CNTNAP2: variants seen among roughly 807,000 people sequenced by gnomAD.
CNTNAP2 encodes the protein contactin associated protein 2.
A neutral mutation model predicts 155.2 loss-of-function variants in CNTNAP2; 98 were observed. That is an observed-to-expected ratio of 0.63 (90% CI 0.54 to 0.75). The LOEUF is 0.75. CNTNAP2 is among the 30% of genes least tolerant of loss of function. CNTNAP2 has a pLI of 0.00. For synonymous variants in CNTNAP2, 651 were observed against 631.2 expected (o/e 1.03, Z -0.47); for missense variants, 1,727 against 1,688.1 (o/e 1.02, Z -0.40).
At chr7:147,684,728 A>G (rs1021323455) in intron 13 of CNTNAP2, among the ~76,000 whole-genome samples, 5 of 152,006 alleles carry the variant, frequency 3.3e-5, no homozygotes, top group Admixed American at 6.6e-5. Flanking sequence ...AATATTCTAT[A>G]TAATCTAGCA....
chr7:147,610,666 G>A (rs890207131), intron 12 of CNTNAP2, among the ~76,000 whole-genome samples: 1 of 152,146 alleles, frequency 6.6e-6, no homozygotes, highest in Non-Finnish European at 1.5e-5. Flanking sequence ...GGGAGTTTTA[G>A]GGGAAGCATC....
At chr7:147,447,029 A>G (rs1319670921) in intron 10 of CNTNAP2, among the ~76,000 whole-genome samples, 1 of 152,198 alleles carries the variant, frequency 6.6e-6, no homozygotes, top group African/African-American at 2.4e-5. Flanking sequence ...TGCCAAGAAA[A>G]GGCATTAAAG....
chr7:147,475,817 C>A (rs187030751), intron 10 of CNTNAP2, among the ~76,000 whole-genome samples: 342 of 152,260 alleles, frequency 2.2e-3, no homozygotes, highest in African/African-American at 7.9e-3. Context: ...AGAAGGAGGT[C>A]TCACTCTTTT....
intron 8 of CNTNAP2, among the ~76,000 whole-genome samples, chr7:147,212,145 G>A (rs1803162512): frequency 6.6e-6 from 1 of 152,084 alleles, no homozygotes; most frequent in African/African-American, 2.4e-5. Flanking sequence ...ACATGCTGTT[G>A]GTAGGAATAT....
At chr7:148,397,205 C>A (rs1267678844) in intron 22 of CNTNAP2, among the ~76,000 whole-genome samples, 1 of 152,188 alleles carries the variant, frequency 6.6e-6, no homozygotes, top group African/African-American at 2.4e-5. Context: ...ACTGGGTGGC[C>A]ACAGAAGTGC....
At chr7:147,294,192 G>T (rs1374208381) in intron 8 of CNTNAP2, among the ~76,000 whole-genome samples, 1 of 152,050 alleles carries the variant, frequency 6.6e-6, no homozygotes, top group Admixed American at 6.6e-5. Context: ...ATTTTCCCTG[G>T]ATTATTTTAT....
intron 17 of CNTNAP2, among the ~76,000 whole-genome samples, chr7:148,164,302 A>G (rs1197989750): frequency 6.6e-6 from 1 of 152,176 alleles, no homozygotes; most frequent in Non-Finnish European, 1.5e-5. Flanking sequence ...ATGGTAGCAT[A>G]TAGAACAGGA....
intron 1 of CNTNAP2, among the ~76,000 whole-genome samples, chr7:146,407,088 A>G (rs1270975194): frequency 6.6e-6 from 1 of 152,226 alleles, no homozygotes; most frequent in Admixed American, 6.5e-5. Flanking sequence ...GACATCAGTA[A>G]TGTGAAGAAG....
intron 3 of CNTNAP2, among the ~76,000 whole-genome samples, chr7:146,984,782 C>T (rs1290484415): frequency 1.3e-5 from 2 of 152,330 alleles, no homozygotes; most frequent in East Asian, 3.9e-4. Flanking sequence ...CCTTCTGGCT[C>T]TCCCATTGTC....
chr7:147,098,775 G>T (rs866195095), intron 4 of CNTNAP2, among the ~76,000 whole-genome samples: 4 of 152,094 alleles, frequency 2.6e-5, no homozygotes, highest in South Asian at 2.1e-4. Flanking sequence ...ACCGTGAAAA[G>T]ATACTAATAT....
At chr7:147,273,186 T>C (rs971059522) in intron 8 of CNTNAP2, among the ~76,000 whole-genome samples, 4 of 152,138 alleles carry the variant, frequency 2.6e-5, no homozygotes, top group African/African-American at 9.7e-5. Flanking sequence ...TGAATTCACC[T>C]TATCACCACT....
At chr7:147,088,481 TA>T (rs1800327641) in intron 4 of CNTNAP2, among the ~76,000 whole-genome samples, 1 of 152,190 alleles carries the variant, frequency 6.6e-6, no homozygotes, top group Non-Finnish European at 1.5e-5. Flanking sequence ...AGCCAGTTTC[TA>T]AATCTTAAAA....
intron 11 of CNTNAP2, among the ~76,000 whole-genome samples, chr7:147,498,552 G>T (rs1310306311): frequency 3.3e-5 from 5 of 152,160 alleles, no homozygotes; most frequent in Non-Finnish European, 5.9e-5. Context: ...ATGATGCATA[G>T]GGCAAAAATA....
chr7:148,311,463 A>C (rs1426396667), intron 21 of CNTNAP2, among the ~76,000 whole-genome samples: 1 of 152,070 alleles, frequency 6.6e-6, no homozygotes, highest in Non-Finnish European at 1.5e-5. Context: ...ATGAGAATAA[A>C]AGTGAGTATA....
chr7:146,352,987 C>A (rs1357919026), intron 1 of CNTNAP2, among the ~76,000 whole-genome samples: 5 of 151,928 alleles, frequency 3.3e-5, no homozygotes, highest in Non-Finnish European at 5.9e-5. Context: ...ATCTCCTGAC[C>A]TCGTGATCTG....
intron 14 of CNTNAP2, among the ~76,000 whole-genome samples, chr7:147,953,104 C>G (rs142507601): frequency 2.3e-4 from 35 of 152,278 alleles, no homozygotes; most frequent in African/African-American, 8.2e-4. Context: ...CTTTGCCTCT[C>G]AAATTTGATG....
chr7:147,108,886 A>G (rs1328485773), intron 5 of CNTNAP2, among the ~76,000 whole-genome samples: 1 of 152,136 alleles, frequency 6.6e-6, no homozygotes, highest in Non-Finnish European at 1.5e-5. Context: ...GAGAAAGAAG[A>G]TTACATAGGA....
chr7:146,873,749 G>A (rs2129207726), intron 3 of CNTNAP2, among the ~76,000 whole-genome samples: 1 of 152,198 alleles, frequency 6.6e-6, no homozygotes, highest in South Asian at 2.1e-4. Flanking sequence ...GAGGCCCAAG[G>A]ATATAATGAT....
At chr7:147,136,533 G>A (rs1224676193) in intron 8 of CNTNAP2, among the ~76,000 whole-genome samples, 1 of 151,878 alleles carries the variant, frequency 6.6e-6, no homozygotes, top group Non-Finnish European at 1.5e-5. Context: ...CTCAAGGGAG[G>A]AGTGGGAGTT....
Sources: allele counts gnomAD v4.1 joint callset (sites outside exome capture counted in the v4.1 genomes callset), GRCh38; gene constraint gnomAD v4.1.1; transcripts MANE v1.5; gene names NCBI Gene and HGNC (gene_info 2026-07-23, HGNC 2026-07-21).